RAB9A: variants seen among roughly 807,000 people sequenced by gnomAD.
RAB9A encodes RAB9A, member RAS oncogene family, also known as ras-related protein Rab-9A.
In RAB9A, 1 loss-of-function variant was observed where a neutral mutation model predicts 10.3. The observed-to-expected ratio is 0.10, with a 90% CI of 0.03 to 0.46. The LOEUF (loss-of-function observed/expected upper bound fraction) is 0.46. Among genes scored for constraint, RAB9A ranks in the 20% least tolerant of loss-of-function variants. The pLI, the probability that RAB9A is intolerant of heterozygous loss-of-function variation, is 0.96. For synonymous variants in RAB9A, 39 were observed against 55.2 expected (o/e 0.71, Z 1.30); for missense variants, 92 against 150.3 (o/e 0.61, Z 2.03).
At chrX:13,699,701 G>T (rs146365856) in intron 1 of RAB9A, among the ~76,000 whole-genome samples, 1,812 of 112,442 alleles carry the variant, frequency 0.016, 35 homozygotes, top group African/African-American at 0.056. Context: ...GGGCCTCCCA[G>T]GCCAAAGTAA....
Position 13,689,227 on chromosome X carries a change from T to C in RAB9A, c.-177T>C, listed in dbSNP as rs746261899. On this transcript the variant is annotated 5_prime_UTR_variant, in exon 1 of 3. Coordinates refer to ENST00000464506, the MANE Select transcript of RAB9A (RefSeq NM_004251.5). ...GTGCAGGTCCCCGACCCTCTCTCTG[T>C]CCTCATTGCGCCCAGACGGGCCGGC... 4 of 113,238 alleles carry C rather than the reference T, an allele frequency of 3.5e-5. No homozygotes were observed. The highest frequency in any genetic ancestry group is 1.3e-4 in the African/African-American group (4 of 31,319). The allele number at this position is 113,238 out of a possible 1,213,427, so 9.3% of individuals were successfully genotyped here.
chrX:13,697,760 C>T (rs964865362), intron 1 of RAB9A, among the ~76,000 whole-genome samples: 2 of 111,635 alleles, frequency 1.8e-5, no homozygotes, highest in African/African-American at 6.5e-5. Flanking sequence ...TTCTTGGTGT[C>T]CAAACTCCTT....
At chrX:13,696,806 A>G (rs2046149981) in intron 1 of RAB9A, among the ~76,000 whole-genome samples, 1 of 112,087 alleles carries the variant, frequency 8.9e-6, no homozygotes, top group South Asian at 3.7e-4. Flanking sequence ...AGTGATGGGC[A>G]GAGTGAGGTT....
intron 1 of RAB9A, among the ~76,000 whole-genome samples, chrX:13,690,016 T>C (rs1172566286): frequency 3.7e-5 from 4 of 109,447 alleles, no homozygotes; most frequent in Non-Finnish European, 7.6e-5. Flanking sequence ...TACAGTTCTT[T>C]TGAGGAATAA....
At chrX:13,699,755 C>T (rs1244752507) in intron 1 of RAB9A, among the ~76,000 whole-genome samples, 1 of 111,766 alleles carries the variant, frequency 8.9e-6, no homozygotes, top group East Asian at 2.8e-4. Context: ...GTGATAGGTG[C>T]GGGGATGGTG....
intron 2 of RAB9A, among the ~76,000 whole-genome samples, chrX:13,705,491 GT>G (rs2046193350): frequency 9.0e-6 from 1 of 111,684 alleles, no homozygotes; most frequent in Non-Finnish European, 1.9e-5. Context: ...CTGTCAAAGT[GT>G]CTTGGAAAAA....
chrX:13,704,866 C>T (rs375456826), intron 2 of RAB9A, among the ~76,000 whole-genome samples: 1 of 111,436 alleles, frequency 9.0e-6, no homozygotes, highest in South Asian at 3.7e-4. Flanking sequence ...GTGATCTGTC[C>T]GCCCCAGCCT....
intron 1 of RAB9A, among the ~76,000 whole-genome samples, chrX:13,697,141 G>A (rs2046151450): frequency 9.0e-6 from 1 of 111,632 alleles, no homozygotes; most frequent in African/African-American, 3.3e-5. Context: ...CACTCAGTGA[G>A]TTTGTATAGT....
At chrX:13,700,511 T>C (rs2046168326) in intron 1 of RAB9A, among the ~76,000 whole-genome samples, 1 of 112,257 alleles carries the variant, frequency 8.9e-6, no homozygotes, top group Non-Finnish European at 1.9e-5. Context: ...GCTGGCAATG[T>C]GGTTCATTTG....
At chrX:13,707,758 A>G (rs774488625) in intron 2 of RAB9A, among the ~76,000 whole-genome samples, 4 of 112,772 alleles carry the variant, frequency 3.5e-5, no homozygotes, top group African/African-American at 1.3e-4. Context: ...AGAATGTGCT[A>G]GATTATATTA....
At chrX:13,692,004 G>GA (rs1159852262) in intron 1 of RAB9A, among the ~76,000 whole-genome samples, 4 of 109,109 alleles carry the variant, frequency 3.7e-5, no homozygotes, top group East Asian at 2.9e-4. Context: ...AGCAAAACAG[G>GA]AAAAAAAAGC....
At chrX:13,694,036 A>G (rs1443882351) in intron 1 of RAB9A, among the ~76,000 whole-genome samples, 1 of 112,297 alleles carries the variant, frequency 8.9e-6, no homozygotes, top group Non-Finnish European at 1.9e-5. Flanking sequence ...AAAACAGTAT[A>G]AAGGAGTTGA....
At chrX:13,707,031 A>G (rs1369877606) in intron 2 of RAB9A, among the ~76,000 whole-genome samples, 1 of 112,122 alleles carries the variant, frequency 8.9e-6, no homozygotes. Flanking sequence ...CTACTTTCCT[A>G]TTAAGGTTAT....
chrX:13,708,340 AAAC>A (rs751516612), intron 2 of RAB9A, among the ~76,000 whole-genome samples: 37 of 108,527 alleles, frequency 3.4e-4, no homozygotes, highest in South Asian at 8.0e-4. Flanking sequence ...AACAAAACCA[AAAC>A]AACAACAACA....
chrX:13,699,435 A>G (rs1196045595), intron 1 of RAB9A, among the ~76,000 whole-genome samples: 1 of 112,707 alleles, frequency 8.9e-6, no homozygotes, highest in Non-Finnish European at 1.9e-5. Context: ...TGGCAGAACA[A>G]AAAAGGGACA....
Position 13,694,981 on chromosome X carries a change from C to T in RAB9A, c.-116+5693C>T, listed in dbSNP as rs780152465. 2.7e-5 allele frequency among the ~76,000 whole-genome samples: 3 copies of T among 111,777 alleles called. No homozygotes were observed. In the East Asian group the frequency reaches 8.4e-4, roughly 31 times the overall value. ...AGCTCCACTTTCCTTTGTGCTTTCT[C>T]TCCATTTTCTGCTGGGTGCAATTCC... On this transcript the variant is annotated intron_variant, in intron 1 of 2. Transcript: ENST00000464506.
intron 2 of RAB9A, among the ~76,000 whole-genome samples, chrX:13,708,373 C>G (rs1230489749): frequency 9.1e-6 from 1 of 109,311 alleles, no homozygotes; most frequent in African/African-American, 3.3e-5. Context: ...GAACTTTGGT[C>G]TCCTACCCAT....
At chrX:13,697,835 A>G (rs191793606) in intron 1 of RAB9A, among the ~76,000 whole-genome samples, 8 of 111,959 alleles carry the variant, frequency 7.1e-5, no homozygotes, top group Admixed American at 2.8e-4. Context: ...GCTTCCACCA[A>G]TGCTCTCATC....
At chrX:13,695,613 G>A (rs1024212458) in intron 1 of RAB9A, among the ~76,000 whole-genome samples, 3 of 112,288 alleles carry the variant, frequency 2.7e-5, no homozygotes, top group South Asian at 7.4e-4. Flanking sequence ...AATGAAGTGC[G>A]TAAGAGAAAA....
Sources: gnomAD v4.1 joint callset for allele counts (sites outside exome capture counted in the v4.1 genomes callset) on GRCh38, gnomAD v4.1.1 for gene constraint, MANE v1.5 for transcripts, NCBI Gene and HGNC (gene_info 2026-07-23, HGNC 2026-07-21) for gene names.